Variants in C1QL1 observed in about 807,000 individuals in gnomAD.
The protein encoded by C1QL1 is C1q-related factor.
A neutral mutation model predicts 14.2 loss-of-function variants in C1QL1; 15 were observed. The observed-to-expected ratio is 1.06, with a 90% CI of 0.71 to 1.62. The LOEUF (loss-of-function observed/expected upper bound fraction) is 1.62. Among genes scored for constraint, C1QL1 ranks in the 40% most tolerant of loss-of-function variants. C1QL1 has a pLI of 0.00. For synonymous variants in C1QL1, 172 were observed against 172.4 expected, an observed-to-expected ratio of 1.00 and a Z score of 0.02; for missense variants, 346 against 380.3, an observed-to-expected ratio of 0.91 and a Z score of 0.75.
At chr17:44,964,420 CT>C (rs1280095444) in intron 1 of C1QL1, among the ~76,000 whole-genome samples, 5 of 152,334 alleles carry the variant, frequency 3.3e-5, no homozygotes, top group African/African-American at 1.2e-4. Flanking sequence ...TATATTCTCC[CT>C]TGTGGTATCT....
chr17:44,967,331 G>A lies in C1QL1; in HGVS notation c.597+121C>T. On this transcript the variant is annotated intron_variant, in intron 1 of 1. Transcript: ENST00000253407. The surrounding 1 kb of genome is among the most constrained non-coding windows in gnomAD (Gnocchi z 7.0). ...CGTGATGACCAAGCGGGGCCGCTGT[G>A]GGGTGGGATCTCCACCTGCGTCCGC... 1.9e-6 allele frequency: 2 copies of A among 1,038,094 alleles called. No homozygotes were observed. Among genetic ancestry groups the A allele is most frequent in the Non-Finnish European group, 1.4e-6 (1 of 710,668 alleles). 64.3% of individuals were successfully genotyped at this position (1,038,094 alleles called of 1,614,324 possible).
chr17:44,967,593 G>C lies in C1QL1; in HGVS notation c.456C>G (p.Val152=). The C allele has an allele frequency of 6.2e-7, 1 of 1,614,090 alleles. No individual in the cohort carries two copies. The highest frequency in any genetic ancestry group is 8.5e-7 in the Non-Finnish European group (1 of 1,179,944). The change falls in exon 1 of 2, where the codon GTC becomes GTG. Residue 152 remains valine (V), a synonymous_variant. Transcript: ENST00000253407. The surrounding 1 kb of genome is among the most constrained non-coding windows in gnomAD (Gnocchi z 7.0). ...CGTCGTAGTTGTTGCCTAGGTTGGT[G>C]ACCACGTCGTCAAACTTGAGTACCT... ...GYEVLKFDDV[V]TNLGNNYDAA...
chr17:44,967,812 G>C lies in C1QL1; in HGVS notation c.237C>G (p.Gly79=). 1 of 1,405,692 alleles carries C rather than the reference G, an allele frequency of 7.1e-7. No individual in the cohort carries two copies. The highest frequency in any genetic ancestry group is 1.6e-5 in the South Asian group (1 of 63,682). 87.1% of individuals were successfully genotyped at this position (1,405,692 alleles called of 1,614,324 possible). ...CTGGGTCCCCGGGAGGCCCCGGAGG[G>C]CCGGGCTTGCCGGTGCGGCCCGGCT... ...QGKPGRTGKP[G]PPGPPGDPGP... The change falls in exon 1 of 2, where the codon GGC becomes GGG. Residue 79 remains glycine (G), a synonymous_variant. Transcript: ENST00000253407. This position sits in a 1 kb window ranked among gnomAD's most constrained non-coding sequence, Gnocchi z 7.0.
At chr17:44,962,189 G>A (rs1398522125) in intron 1 of C1QL1, among the ~76,000 whole-genome samples, 1 of 152,144 alleles carries the variant, frequency 6.6e-6, no homozygotes, top group Non-Finnish European at 1.5e-5. Flanking sequence ...TCCCAGGGCT[G>A]AAGTCTGGGT....
Position 44,967,417 on chromosome 17 carries a change from G to T in C1QL1, c.597+35C>A. 6.2e-7 allele frequency: 1 copy of T among 1,601,824 alleles called. No individual in the cohort carries two copies. The highest frequency in any genetic ancestry group is 8.5e-7 in the Non-Finnish European group (1 of 1,173,872). The stretch of plus-strand genomic sequence containing the variant: ...TGCCCCGGGCTCCCTGGGTGCCCTG[G>T]GCCCAGCCCAGCCCCATGCCCCCGC... On this transcript the variant is annotated intron_variant, in intron 1 of 1. Transcript: ENST00000253407. The surrounding 1 kb of genome is among the most constrained non-coding windows in gnomAD (Gnocchi z 7.0).
chr17:44,964,848 C>CTTTTCTT (rs1555586154), intron 1 of C1QL1, among the ~76,000 whole-genome samples: 5 of 149,662 alleles, frequency 3.3e-5, no homozygotes, highest in African/African-American at 9.8e-5. Flanking sequence ...CTTTTCTTTT[C>CTTTTCTT]TTTTTTTTTT....
In C1QL1 at chr17:44,968,148, G is replaced by A. The variant is rs952369638; in HGVS notation, c.-100C>T. On this transcript the variant is annotated 5_prime_UTR_variant, in exon 1 of 2. Transcript: ENST00000253407. ...GCGCCGTCGGGGCAATGGTGCCGGC[G>A]GGCAGGGGGCGCGGGCTAGGCGCCC... 1.4e-5 allele frequency: 10 copies of A among 697,334 alleles called. No individual in the cohort carries two copies. Among genetic ancestry groups the A allele is most frequent in the African/African-American group, 9.6e-5 (5 of 52,056 alleles). 43.2% of individuals were successfully genotyped at this position (697,334 alleles called of 1,614,324 possible).
intron 1 of C1QL1, among the ~76,000 whole-genome samples, chr17:44,962,135 C>T (rs957630303): frequency 5.3e-5 from 8 of 151,926 alleles, no homozygotes; most frequent in Admixed American, 4.6e-4. Flanking sequence ...TCCACGGCCC[C>T]TCTCTATCCT....
Position 44,959,978 on chromosome 17 carries a change from G to C in C1QL1, c.*210C>G, listed in dbSNP as rs554844158. 6.2e-5 allele frequency: 35 copies of C among 566,450 alleles called. No homozygotes were observed. The South Asian group carries it at 7.0e-4, about 11-fold the overall frequency. 35.1% of individuals were successfully genotyped at this position (566,450 alleles called of 1,614,324 possible). A position where few individuals can be genotyped will look rare whatever the true frequency, so the allele number is the denominator to read the frequency against. ...GGGGGCGGTCAACCCCGGTTCCCTG[G>C]CACGGGGACAGGGCGCGCTGGGCCC... On this transcript the variant is annotated 3_prime_UTR_variant, in exon 2 of 2. Transcript: ENST00000253407.
Position 44,967,786 on chromosome 17 carries a change from C to A in C1QL1, c.263G>T (p.Gly88Val). ...CGGCGGCCCCACAGGGCCGGGAGGACCTGGGTCCCCGGGAGGCCCCGGAGG... is the reference window on the plus strand; with the variant it reads ...CGGCGGCCCCACAGGGCCGGGAGGAACTGGGTCCCCGGGAGGCCCCGGAGG... ...PGPPGPPGDP[G>V]PPGPVGPPGE... Residue 88 changes from glycine (G) to valine (V), a missense_variant, in exon 1 of 2, where the codon GGT (glycine) becomes GTT (valine). Transcript: ENST00000253407. The surrounding 1 kb of genome is among the most constrained non-coding windows in gnomAD (Gnocchi z 7.0). 1 of 1,486,670 alleles carries A rather than the reference C, an allele frequency of 6.7e-7. No homozygotes were observed. Among genetic ancestry groups the A allele is most frequent in the Non-Finnish European group, 8.8e-7 (1 of 1,130,346 alleles). 92.1% of individuals were successfully genotyped at this position (1,486,670 alleles called of 1,614,324 possible). A position where few individuals can be genotyped will look rare whatever the true frequency, so the allele number is the denominator to read the frequency against.
rs2052619245 is a variant in C1QL1 at position 44,960,126 on chromosome 17, C to G, written c.*62G>C. 1.3e-5 allele frequency: 19 copies of G among 1,490,256 alleles called. No homozygotes were observed. Among genetic ancestry groups the G allele is most frequent in the Non-Finnish European group, 1.7e-5 (18 of 1,074,692 alleles). 92.3% of individuals were successfully genotyped at this position (1,490,256 alleles called of 1,614,324 possible). A position where few individuals can be genotyped will look rare whatever the true frequency, so the allele number is the denominator to read the frequency against. ...GGGTGGGCGAGGGGCGAGTCATCGT[C>G]TGCCCCGCCCGGAGGGGACCCCGGC... is the stretch of plus-strand genomic sequence containing the variant. On this transcript the variant is annotated 3_prime_UTR_variant, in exon 2 of 2. Coordinates refer to ENST00000253407, the MANE Select transcript of C1QL1 (RefSeq NM_006688.5).
At chr17:44,964,788 C>T (rs946836772) in intron 1 of C1QL1, among the ~76,000 whole-genome samples, 2 of 152,094 alleles carry the variant, frequency 1.3e-5, no homozygotes, top group Admixed American at 6.5e-5. Flanking sequence ...GAGGGGGCTA[C>T]GGGCCCCACT....
chr17:44,962,314 C>T (rs1422571173), intron 1 of C1QL1, among the ~76,000 whole-genome samples: 1 of 152,208 alleles, frequency 6.6e-6, no homozygotes, highest in African/African-American at 2.4e-5. Context: ...TGAAGAGGAC[C>T]CGACATATTT....
At position 44,963,645 on chromosome 17, in the gene C1QL1, C is replaced by T. The variant is rs184347260; in HGVS notation, c.598-3278G>A. Among the ~76,000 whole-genome samples, 1,406 of 152,228 alleles carry T rather than the reference C, an allele frequency of 9.2e-3. 6 individuals are homozygous for T. Among genetic ancestry groups the T allele is most frequent in the Non-Finnish European group, 0.015 (990 of 67,986 alleles). On this transcript the variant is annotated intron_variant, in intron 1 of 1. Transcript: ENST00000253407. ...TTCACCATGTTAGACAGGCTGGTCT[C>T]GAACTCCTGACCTCTGGTGATCCGC...
rs374936066 is a variant in C1QL1, at chr17:44,961,862, C to T, written c.598-1495G>A. On this transcript the variant is annotated intron_variant, in intron 1 of 1. Transcript: ENST00000253407. ...GATTGCGCCACTGCAGTCCGCAGTC[C>T]GGCCTGGGCGACAGAGCGAGACTCC... 8.1e-3 allele frequency among the ~76,000 whole-genome samples: 1,132 copies of T among 139,756 alleles called. 16 individuals carry two copies. Among genetic ancestry groups the T allele is most frequent in the African/African-American group, 0.029 (1,075 of 36,738 alleles). 91.7% of individuals were successfully genotyped at this position (139,756 alleles called of 152,430 possible). A position where few individuals can be genotyped will look rare whatever the true frequency, so the allele number is the denominator to read the frequency against.
At chr17:44,964,616 TC>T (rs1368089639) in intron 1 of C1QL1, among the ~76,000 whole-genome samples, 1 of 152,134 alleles carries the variant, frequency 6.6e-6, no homozygotes, top group African/African-American at 2.4e-5. Context: ...TTATGAATGT[TC>T]CCCCTGCATA....
chr17:44,961,029 T>C (rs1767732777), intron 1 of C1QL1, among the ~76,000 whole-genome samples: 1 of 152,196 alleles, frequency 6.6e-6, no homozygotes, highest in Non-Finnish European at 1.5e-5. Flanking sequence ...CCAGCCTCCA[T>C]GGAGCTGTAG....
At chr17:44,965,628 G>C (rs2052653839) in intron 1 of C1QL1, among the ~76,000 whole-genome samples, 1 of 152,186 alleles carries the variant, frequency 6.6e-6, no homozygotes, top group Non-Finnish European at 1.5e-5. Context: ...GAGCTTTTGA[G>C]ATGGTTTTAC....
At position 44,968,018 on chromosome 17, in the gene C1QL1, C is replaced by G; in HGVS notation, c.31G>C (p.Val11Leu). 1 of 1,381,318 alleles carries G rather than the reference C, an allele frequency of 7.2e-7. No homozygotes were observed. The highest frequency in any genetic ancestry group is 9.4e-7 in the Non-Finnish European group (1 of 1,064,320). 85.6% of individuals were successfully genotyped at this position (1,381,318 alleles called of 1,614,324 possible). A position where few individuals can be genotyped will look rare whatever the true frequency, so the allele number is the denominator to read the frequency against. The change falls in exon 1 of 2, where the codon GTG (valine) becomes CTG (leucine). Residue 11 changes from valine (V) to leucine (L), a missense_variant. Val to Leu is a conservative substitution (Grantham distance 32). Coordinates refer to ENST00000253407, the MANE Select transcript of C1QL1 (RefSeq NM_006688.5). ...TCCGGGCCGCCCGAGCTCACCAGCA[C>G]GGGGATGAGCACCACCAGCACCAGC... The part of the protein sequence containing the change: MLLVLVVLIP[V>L]LVSSGGPEGH...
Sources: allele counts gnomAD v4.1 joint callset (sites outside exome capture counted in the v4.1 genomes callset), GRCh38; gene constraint gnomAD v4.1.1; non-coding constraint Gnocchi (gnomAD v3.1); transcripts MANE v1.5; gene names NCBI Gene and HGNC (gene_info 2026-07-23, HGNC 2026-07-21).